The following NEU3 variants were observed in gnomAD, a reference collection of about 807,000 sequenced individuals.
NEU3 encodes the protein sialidase-3.
A neutral mutation model predicts 11.4 loss-of-function variants in NEU3; 10 were observed. The ratio of observed to expected loss-of-function variants is 0.88; its 90% confidence interval spans 0.54 to 1.49. The LOEUF (loss-of-function observed/expected upper bound fraction) is 1.49, where lower values mean the gene tolerates loss of function less well. Ranked by LOEUF, NEU3 falls within the 40% of genes most tolerant of loss-of-function variation. The pLI is 0.00. For missense variants in NEU3, 529 were observed against 581.8 expected (o/e 0.91, Z 0.93); for synonymous variants, 212 against 228.2 (o/e 0.93, Z 0.64).
chr11:75,001,756 G>A (rs78586795), intron 2 of NEU3, among the ~76,000 whole-genome samples: 3,201 of 152,238 alleles, frequency 0.021, 131 homozygotes, highest in African/African-American at 0.073. Flanking sequence ...CATGTCAACT[G>A]TATGTTAGAT....
At chr11:74,992,077 A>T (rs1948737830) in intron 1 of NEU3, among the ~76,000 whole-genome samples, 1 of 152,242 alleles carries the variant, frequency 6.6e-6, no homozygotes, top group Admixed American at 6.5e-5. Context: ...TCCTGATTGG[A>T]TGATGTTTGA....
chr11:75,018,179 T>C (rs535841153), intron 3 of NEU3, among the ~76,000 whole-genome samples: 1 of 152,116 alleles, frequency 6.6e-6, no homozygotes, highest in East Asian at 1.9e-4. Flanking sequence ...TCTCACCTCT[T>C]AGCTTATTGA....
At chr11:75,001,953 T>C (rs1948848408) in intron 2 of NEU3, among the ~76,000 whole-genome samples, 1 of 152,232 alleles carries the variant, frequency 6.6e-6, no homozygotes, top group Non-Finnish European at 1.5e-5. Flanking sequence ...TTGAACTAGC[T>C]TAGTTCAAGG....
Position 75,007,990 on chromosome 11 carries a change from T to G in NEU3, c.*1498T>G, listed in dbSNP as rs946586530. 1 of 152,148 alleles carries G rather than the reference T, an allele frequency of 6.6e-6. No homozygotes were observed. Among genetic ancestry groups the G allele is most frequent in the Non-Finnish European group, 1.5e-5 (1 of 68,024 alleles). 9.4% of individuals were successfully genotyped at this position (152,148 alleles called of 1,614,324 possible). On this transcript the variant is annotated 3_prime_UTR_variant, in exon 3 of 3. Coordinates refer to ENST00000294064, the MANE Select transcript of NEU3 (RefSeq NM_006656.6). The stretch of plus-strand genomic sequence containing the variant: ...TAGAGAGAGTCCTACAGGATAAAAG[T>G]GGAGATTAACTTTACCTACTTTAGC...
At chr11:75,013,342 C>T (rs987839675), downstream of NEU3, among the ~76,000 whole-genome samples, 1 of 152,160 alleles carries the variant, frequency 6.6e-6, no homozygotes, top group African/African-American at 2.4e-5. Flanking sequence ...AGATAAATTG[C>T]CATCCTCCCT....
upstream of NEU3, chr11:74,988,405 G>T: frequency 6.5e-6 from 1 of 152,676 alleles, no homozygotes; most frequent in Non-Finnish European, 1.5e-5. Context: ...CTTTGGCTGG[G>T]GAGAGGGGGG....
At chr11:74,994,955 C>G (rs370267214) in intron 2 of NEU3, 13 of 646,686 alleles carry the variant, frequency 2.0e-5, no homozygotes, top group South Asian at 1.7e-4. Context: ...ATTTTACAGA[C>G]AAGGAAACTG....
At chr11:74,989,390 A>G (rs1324400849) in intron 1 of NEU3, among the ~76,000 whole-genome samples, 3 of 152,180 alleles carry the variant, frequency 2.0e-5, no homozygotes, top group Non-Finnish European at 2.9e-5. Flanking sequence ...GGGAACTGAG[A>G]CTGGAAAAGC....
Position 75,006,046 on chromosome 11 carries a change from G to A in NEU3, c.940G>A (p.Gly314Arg). Residue 314 changes from glycine (G) to arginine (R), a missense_variant, in exon 3 of 3, where the codon GGG becomes AGG. Physicochemically the swap from Gly to Arg is moderately radical, Grantham distance 125. Transcript: ENST00000294064. ...QLCEPPHGCQ[G>R]SVVSFRPLEI... ...CTGTGAGCCCCCACATGGTTGCCAA[G>A]GGAGTGTGGTAAGTTTCCGGCCCCT... The A allele has an allele frequency of 3.1e-6, 5 of 1,613,986 alleles. No individual in the cohort carries two copies. Among genetic ancestry groups the A allele is most frequent in the Non-Finnish European group, 4.2e-6 (5 of 1,179,890 alleles).
At chr11:74,980,774 G>T in the NEU3 span, among the ~76,000 whole-genome samples, 1 of 152,350 alleles carries the variant, frequency 6.6e-6, no homozygotes, top group African/African-American at 2.4e-5. Flanking sequence ...CTGAAACTAT[G>T]TCCTGGTTGT....
chr11:75,000,407 C>T (rs1948830823), intron 2 of NEU3, among the ~76,000 whole-genome samples: 1 of 152,156 alleles, frequency 6.6e-6, no homozygotes, highest in Admixed American at 6.5e-5. Flanking sequence ...TCCTCAGTCC[C>T]TGGCAACCAC....
At chr11:75,013,033 C>G (rs1056293783), downstream of NEU3, among the ~76,000 whole-genome samples, 2 of 151,954 alleles carry the variant, frequency 1.3e-5, no homozygotes, top group Non-Finnish European at 2.9e-5. Flanking sequence ...ACTTTAAATA[C>G]TAAAGTTTGA....
Position 74,997,230 on chromosome 11 carries a change from A to G in NEU3, c.306+2510A>G, listed in dbSNP as rs151018782. Among the ~76,000 whole-genome samples the G allele has an allele frequency of 9.5e-3, 1,446 of 152,320 alleles. 14 individuals are homozygous for G. Among genetic ancestry groups the G allele is most frequent in the Middle Eastern group, 0.031 (9 of 294 alleles). ...CAGTTACCTTAACTAGATCTTCTGG[A>G]TAACTGGCTATAGCTTCTCCCATCA... On this transcript the variant is annotated intron_variant, in intron 2 of 2. Coordinates refer to ENST00000294064, the MANE Select transcript of NEU3 (RefSeq NM_006656.6).
Position 74,989,068 on chromosome 11 carries a change from C to G in NEU3, c.8C>G (p.Pro3Arg). 4.5e-6 allele frequency: 7 copies of G among 1,550,418 alleles called. No individual in the cohort carries two copies. Among genetic ancestry groups the G allele is most frequent in the East Asian group, 2.4e-5 (1 of 40,828 alleles). MR[P>R]ADLPPRPMEE... ...TCTTCCGGGCTTCGGCGAATGAGAC[C>G]TGCGGACCTGCCCCCGCGCCCCATG... The change falls in exon 1 of 3, where the codon CCT (proline) becomes CGT (arginine). Residue 3 changes from proline (P) to arginine (R), a missense_variant. Physicochemically the swap from Pro to Arg is moderately radical, Grantham distance 103 (BLOSUM62 -2). Coordinates refer to ENST00000294064, the MANE Select transcript of NEU3 (RefSeq NM_006656.6).
At chr11:75,014,917 T>C (rs1948974471), downstream of NEU3, among the ~76,000 whole-genome samples, 1 of 152,190 alleles carries the variant, frequency 6.6e-6, no homozygotes, top group South Asian at 2.1e-4. Context: ...GAGTCACAAG[T>C]TGCAGATAGA....
downstream of NEU3, among the ~76,000 whole-genome samples, chr11:75,011,149 A>G (rs879530722): frequency 2.6e-5 from 4 of 152,176 alleles, no homozygotes; most frequent in Non-Finnish European, 5.9e-5. Flanking sequence ...AATGTCATAC[A>G]CTAGCTTTTA....
intron 2 of NEU3, among the ~76,000 whole-genome samples, chr11:74,997,512 T>C (rs1465768415): frequency 1.3e-5 from 2 of 152,112 alleles, no homozygotes; most frequent in Non-Finnish European, 2.9e-5. Context: ...TGCTTTCTTA[T>C]CATTCCTGTA....
intron 2 of NEU3, chr11:74,994,995 G>A (rs1274297454): frequency 1.6e-6 from 1 of 609,906 alleles, no homozygotes; most frequent in Non-Finnish European, 2.9e-6. Flanking sequence ...TTTGCTCAAG[G>A]TTATACAGCT....
At position 74,994,715 on chromosome 11, in the gene NEU3, G is replaced by A; in HGVS notation, c.301G>A (p.Val101Ile). The change falls in exon 2 of 3, where the codon GTA becomes ATA. Residue 101 changes from valine (V) to isoleucine (I), a missense_variant. Val to Ile is a conservative substitution (Grantham distance 29). Transcript: ENST00000294064. Reference protein sequence around the residue: ...LRRGLRIGQLVQWGPLKPLME... With the variant: ...LRRGLRIGQLIQWGPLKPLME... ...GCGAGGGTTGAGGATTGGGCAGTTG[G>A]TACAGGTGACTCTTCATCCCAGATC... 1.9e-6 allele frequency: 3 copies of A among 1,613,720 alleles called. No homozygotes were observed. The highest frequency in any genetic ancestry group is 2.2e-5 in the East Asian group (1 of 44,888).
Sources: gnomAD v4.1 joint callset for allele counts (sites outside exome capture counted in the v4.1 genomes callset) on GRCh38, gnomAD v4.1.1 for gene constraint, MANE v1.5 for transcripts, NCBI Gene and HGNC (gene_info 2026-07-23, HGNC 2026-07-21) for gene names.